MYO5A: variants seen among roughly 807,000 people sequenced by gnomAD.
MYO5A encodes the protein myosin VA, also known as unconventional myosin-Va.
In MYO5A, 98 loss-of-function variants were observed where a neutral mutation model predicts 249.7. That is an observed-to-expected ratio of 0.39 (90% CI 0.33 to 0.46). The LOEUF is 0.46. Among genes scored for constraint, MYO5A ranks in the 20% least tolerant of loss-of-function variants. MYO5A has a pLI of 0.98. For synonymous variants in MYO5A, 778 were observed against 810.6 expected (o/e 0.96, Z 0.68); for missense variants, 1,696 against 2,308.8 (o/e 0.73, Z 5.44).
At chr15:52,471,332 A>C (rs1455739409) in intron 1 of MYO5A, among the ~76,000 whole-genome samples, 3 of 152,164 alleles carry the variant, frequency 2.0e-5, no homozygotes, top group African/African-American at 7.2e-5. Flanking sequence ...GGCCAGGTGC[A>C]GTGGCTCACG....
At position 52,505,918 on chromosome 15, in the gene MYO5A, T is replaced by A. The variant is rs72738562; in HGVS notation, c.27+22862A>T. On this transcript the variant is annotated intron_variant, in intron 1 of 41. Coordinates refer to ENST00000399233, the MANE Select transcript of MYO5A (RefSeq NM_001382347.1). ...AAAGCTTGAAAGATTAAAAAAAAAA[T>A]TTTTCAGACTCTTGGCTGGGCGCAG... 2,546 of 1,065,046 alleles carry A rather than the reference T, an allele frequency of 2.4e-3. 11 individuals carry two copies. The highest frequency in any genetic ancestry group is 0.018 in the East Asian group (540 of 30,744). 66.0% of individuals were successfully genotyped at this position (1,065,046 alleles called of 1,614,324 possible).
intron 1 of MYO5A, among the ~76,000 whole-genome samples, chr15:52,471,355 G>A (rs1037918987): frequency 1.6e-4 from 25 of 152,108 alleles, no homozygotes; most frequent in African/African-American, 6.0e-4. Flanking sequence ...TGTAATCCCA[G>A]CACTCTGAGA....
intron 2 of MYO5A, among the ~76,000 whole-genome samples, chr15:52,429,698 CAA>C (rs1212185836): frequency 1.8e-5 from 1 of 56,390 alleles, no homozygotes; most frequent in Non-Finnish European, 5.8e-5. Context: ...CAAAAAAAAA[CAA>C]AAAAACAAAA....
intron 1 of MYO5A, among the ~76,000 whole-genome samples, chr15:52,477,387 T>G (rs1023407807): frequency 4.6e-5 from 7 of 152,218 alleles, no homozygotes; most frequent in African/African-American, 1.7e-4. Flanking sequence ...TTCCGAAGCC[T>G]TCTTCTCTCA....
In MYO5A at chr15:52,375,456, C is replaced by T; in HGVS notation, c.2425G>A (p.Ala809Thr). ...YVRGYQARCYAKFLRRTKAAT... is the reference protein window; with the variant it reads ...YVRGYQARCYTKFLRRTKAAT... ...GCCTTGGTTCTGCGCAGAAACTTAGCATAGCTGGCCAAAGAAAATAACATT... is the reference window on the plus strand; with the variant it reads ...GCCTTGGTTCTGCGCAGAAACTTAGTATAGCTGGCCAAAGAAAATAACATT... Residue 809 changes from alanine (A) to threonine (T), a missense_variant, in exon 20 of 42, where the codon GCT becomes ACT. Transcript: ENST00000399233. 1.2e-6 allele frequency: 2 copies of T among 1,614,032 alleles called. No homozygotes were observed. Among genetic ancestry groups the T allele is most frequent in the East Asian group, 2.2e-5 (1 of 44,862 alleles).
intron 22 of MYO5A, among the ~76,000 whole-genome samples, chr15:52,368,859 C>T (rs1417569944): frequency 3.3e-5 from 5 of 152,140 alleles, no homozygotes; most frequent in Non-Finnish European, 2.9e-5. Flanking sequence ...AAGAACTTGG[C>T]TTTGAAAAGG....
chr15:52,343,211 G>A lies in MYO5A; in HGVS notation c.3960-14C>T, dbSNP rs2039460741. The A allele has an allele frequency of 1.9e-6, 3 of 1,606,750 alleles. No individual in the cohort carries two copies. The highest frequency in any genetic ancestry group is 2.6e-6 in the Non-Finnish European group (3 of 1,173,340). On this transcript the variant is annotated splice_polypyrimidine_tract_variant and intron_variant, in intron 30 of 41. Transcript: ENST00000399233. ...AGAGCAGATGATCTTCCATGCAAAA[G>A]GAACAACAATGCAAAACACAAAAGG...
intron 4 of MYO5A, 42 bp from the exon 5 acceptor site, chr15:52,416,343 C>T: frequency 6.3e-7 from 1 of 1,588,440 alleles, no homozygotes; most frequent in Non-Finnish European, 8.6e-7. Context: ...GCCATTGCTG[C>T]CTATAGCAGG....
chr15:52,524,553 C>CTAAA (rs55753650), intron 1 of MYO5A, among the ~76,000 whole-genome samples: 36,020 of 140,690 alleles, frequency 0.26, 4,716 homozygotes, highest in Non-Finnish European at 0.29. Context: ...GACCCTGAAC[C>CTAAA]TAAATAAATA....
intron 2 of MYO5A, among the ~76,000 whole-genome samples, chr15:52,432,974 T>C (rs2075574907): frequency 6.6e-6 from 1 of 152,240 alleles, no homozygotes; most frequent in African/African-American, 2.4e-5. Flanking sequence ...TTTTAAAGTA[T>C]CTGCTATTTT....
At chr15:52,402,134 C>T (rs1309351387) in intron 9 of MYO5A, among the ~76,000 whole-genome samples, 2 of 152,164 alleles carry the variant, frequency 1.3e-5, no homozygotes, top group African/African-American at 2.4e-5. Flanking sequence ...TTCTGTCAGG[C>T]GCCTAGGCCA....
chr15:52,322,674 G>C (rs987375035), intron 37 of MYO5A, among the ~76,000 whole-genome samples: 3 of 151,920 alleles, frequency 2.0e-5, no homozygotes. Context: ...TGAAATATTT[G>C]AAGTCTATCA....
intron 5 of MYO5A, among the ~76,000 whole-genome samples, chr15:52,411,537 CAAA>C (rs201405373): frequency 8.2e-6 from 1 of 122,240 alleles, no homozygotes. Context: ...TAAGGCAAAG[CAAA>C]AAAAAAAAAG....
chr15:52,348,651 C>T (rs774379537), intron 29 of MYO5A, among the ~76,000 whole-genome samples, 167 bp downstream of exon 29: 2 of 152,204 alleles, frequency 1.3e-5, no homozygotes, highest in Non-Finnish European at 2.9e-5. Context: ...TGTTTCCCTA[C>T]TGACTTCCCA....
chr15:52,384,332 A>G lies in MYO5A; in HGVS notation c.1753-10T>C. The G allele has an allele frequency of 3.1e-6, 5 of 1,613,774 alleles. No individual in the cohort carries two copies. Among genetic ancestry groups the G allele is most frequent in the Non-Finnish European group, 4.2e-6 (5 of 1,179,650 alleles). On this transcript the variant is annotated splice_polypyrimidine_tract_variant and intron_variant, in intron 14 of 41. Transcript: ENST00000399233. ...CTGGTAGCATCTTAAACTAAGTCAGAAACAATATAAAGAAATTACATTCTA... is the reference window on the plus strand; with the variant it reads ...CTGGTAGCATCTTAAACTAAGTCAGGAACAATATAAAGAAATTACATTCTA...
chr15:52,427,981 T>A (rs1475939175), intron 3 of MYO5A, among the ~76,000 whole-genome samples: 1 of 152,084 alleles, frequency 6.6e-6, no homozygotes, highest in Non-Finnish European at 1.5e-5. Flanking sequence ...GCAAGACGAA[T>A]CACCACGAGT....
At chr15:52,329,174 T>G (rs537264498) in intron 35 of MYO5A, 5 of 152,362 alleles carry the variant, frequency 3.3e-5, no homozygotes, top group African/African-American at 1.2e-4. Flanking sequence ...ATAAATCTGT[T>G]AATTCTTTGC....
Position 52,370,269 on chromosome 15 carries a change from T to C in MYO5A, c.2966A>G (p.Gln989Arg). The C allele has an allele frequency of 5.0e-6, 8 of 1,614,178 alleles. No individual in the cohort carries two copies. Among genetic ancestry groups the C allele is most frequent in the Non-Finnish European group, 6.8e-6 (8 of 1,179,994 alleles). The change falls in exon 22 of 42, where the codon CAG becomes CGG. Residue 989 changes from glutamine to arginine, a missense_variant. Transcript: ENST00000399233. ...TTTCCGGAGCTTGGCAATTTCTTCC[T>C]GCAGACTAAGGACCCGCCCAGTGGC... ...KVATGRVLSL[Q>R]EEIAKLRKDL...
At chr15:52,479,683 T>C (rs1180106894) in intron 1 of MYO5A, among the ~76,000 whole-genome samples, 2 of 152,230 alleles carry the variant, frequency 1.3e-5, no homozygotes, top group Non-Finnish European at 2.9e-5. Context: ...GTTTAATATA[T>C]ATTCATAAAC....
Sources: gnomAD v4.1 joint callset for allele counts (sites outside exome capture counted in the v4.1 genomes callset) on GRCh38, gnomAD v4.1.1 for gene constraint, MANE v1.5 for transcripts, NCBI Gene and HGNC (gene_info 2026-07-23, HGNC 2026-07-21) for gene names.